Variants in MTMR14 observed in about 807,000 individuals in gnomAD.
MTMR14 encodes the protein phosphatidylinositol-3,5-bisphosphate 3-phosphatase MTMR14.
A neutral mutation model predicts 86.3 loss-of-function variants in MTMR14; 48 were observed. That is an observed-to-expected ratio of 0.56 (90% CI 0.44 to 0.71). The LOEUF is 0.71. Among genes scored for constraint, MTMR14 ranks in the 30% least tolerant of loss-of-function variants. The pLI, the probability that MTMR14 is intolerant of heterozygous loss-of-function variation, is 0.00. For missense variants in MTMR14, 780 were observed against 834.6 expected, an observed-to-expected ratio of 0.93 and a Z score of 0.81; for synonymous variants, 366 against 326.1, an observed-to-expected ratio of 1.12 and a Z score of -1.32.
intron 17 of MTMR14, 50 bp from the exon 18 acceptor site, chr3:9,697,661 A>C: frequency 6.3e-7 from 1 of 1,595,240 alleles, no homozygotes; most frequent in Non-Finnish European, 8.6e-7. Context: ...AGCCTGTGTC[A>C]GGCATATGAC....
At chr3:9,652,106 A>G (rs1488334546) in intron 1 of MTMR14, among the ~76,000 whole-genome samples, 2 of 152,176 alleles carry the variant, frequency 1.3e-5, no homozygotes, top group Non-Finnish European at 2.9e-5. Flanking sequence ...CTGGGATTAC[A>G]GGCATGAGCC....
intron 2 of MTMR14, 151 bp downstream of exon 2, chr3:9,653,920 T>C (rs1380064823): frequency 9.4e-7 from 1 of 1,064,710 alleles, no homozygotes; most frequent in Non-Finnish European, 1.4e-6. Flanking sequence ...GTTGGACAAG[T>C]CAGACTGGCA....
intron 9 of MTMR14, among the ~76,000 whole-genome samples, chr3:9,680,793 C>T (rs1280252092): frequency 1.3e-5 from 2 of 152,210 alleles, no homozygotes; most frequent in African/African-American, 4.8e-5. Flanking sequence ...GCTGAGATCG[C>T]GCCACTACAC....
chr3:9,701,538 A>AT lies in MTMR14; in HGVS notation c.1770-252_1770-251insT. ...CCTTGTCTCAAGAAAAAAAAAAAAA[A>AT]GGTTAGTGTCCCAGTAAAAGCTCCT... On this transcript the variant is annotated intron_variant, in intron 18 of 18. Transcript: ENST00000296003. This position sits in a 1 kb window ranked among gnomAD's most constrained non-coding sequence, Gnocchi z 4.2. 3.7e-6 allele frequency: 2 copies of AT among 545,522 alleles called. No homozygotes were observed. The highest frequency in any genetic ancestry group is 3.2e-5 in the East Asian group (1 of 31,612). The allele number at this position is 545,522 out of a possible 1,614,324, so 33.8% of individuals were successfully genotyped here.
In MTMR14 at chr3:9,702,067, C is replaced by T. The variant is rs2076477629; in HGVS notation, c.*94C>T. 1 of 1,528,936 alleles carries T rather than the reference C, an allele frequency of 6.5e-7. No individual in the cohort carries two copies. Among genetic ancestry groups the T allele is most frequent in the African/African-American group, 1.4e-5 (1 of 73,228 alleles). The allele number at this position is 1,528,936 out of a possible 1,614,324, so 94.7% of individuals were successfully genotyped here. A position where few individuals can be genotyped will look rare whatever the true frequency, so the allele number is the denominator to read the frequency against. On this transcript the variant is annotated 3_prime_UTR_variant, in exon 19 of 19. Coordinates refer to ENST00000296003, the MANE Select transcript of MTMR14 (RefSeq NM_001077525.3). ...CCTGGCCGAAGGGGTACTTCCAGGT[C>T]AGGGGAAATTTCAGTCCCCCATCTC...
chr3:9,685,081 A>G, intron 12 of MTMR14, 117 bp downstream of exon 12: 1 of 1,486,894 alleles, frequency 6.7e-7, no homozygotes, highest in Non-Finnish European at 9.4e-7. Flanking sequence ...CTCGAGAAGG[A>G]CCGAAGCTGC....
Position 9,677,201 on chromosome 3 carries a change from A to C in MTMR14, c.752-116A>C. On this transcript the variant is annotated intron_variant, in intron 7 of 18. Coordinates refer to ENST00000296003, the MANE Select transcript of MTMR14 (RefSeq NM_001077525.3). This position sits in a 1 kb window ranked among gnomAD's most constrained non-coding sequence, Gnocchi z 4.2. ...CTCACTGAAGCCACTAGCTTGGAGAAGTGTGAGTTGGCGGCCCCCTCTCCA... is the reference window on the plus strand; with the variant it reads ...CTCACTGAAGCCACTAGCTTGGAGACGTGTGAGTTGGCGGCCCCCTCTCCA... The C allele has an allele frequency of 1.2e-6, 1 of 858,202 alleles. No individual in the cohort carries two copies. The highest frequency in any genetic ancestry group is 1.9e-6 in the Non-Finnish European group (1 of 518,076). 53.2% of individuals were successfully genotyped at this position (858,202 alleles called of 1,614,324 possible).
At chr3:9,654,879 A>C (rs775522752) in intron 2 of MTMR14, among the ~76,000 whole-genome samples, 1 of 152,220 alleles carries the variant, frequency 6.6e-6, no homozygotes, top group Non-Finnish European at 1.5e-5. Flanking sequence ...CCGTAGGCCA[A>C]CTGGGGAAAT....
intron 2 of MTMR14, among the ~76,000 whole-genome samples, chr3:9,661,359 G>A (rs1159394351): frequency 6.6e-6 from 1 of 152,144 alleles, no homozygotes; most frequent in Admixed American, 6.5e-5. Context: ...TCCCTCACAT[G>A]CGGAGTTCAC....
At chr3:9,700,386 G>T (rs909068694) in intron 18 of MTMR14, 1 of 152,204 alleles carries the variant, frequency 6.6e-6, no homozygotes, top group South Asian at 2.1e-4. Context: ...GGACCCATTG[G>T]GGGAACACTA....
At chr3:9,685,990 C>G (rs1480790884) in intron 13 of MTMR14, among the ~76,000 whole-genome samples, 2 of 152,126 alleles carry the variant, frequency 1.3e-5, no homozygotes, top group African/African-American at 4.8e-5. Flanking sequence ...AGCATGGAAG[C>G]TGTCCCACGG....
At chr3:9,699,937 G>A (rs1444829193) in intron 18 of MTMR14, 2 of 152,246 alleles carry the variant, frequency 1.3e-5, no homozygotes, top group African/African-American at 2.4e-5. Flanking sequence ...TTCTTCCCCA[G>A]TTGCCAGGAG....
At chr3:9,693,432 C>T (rs771006627) in intron 17 of MTMR14, among the ~76,000 whole-genome samples, 1 of 152,238 alleles carries the variant, frequency 6.6e-6, no homozygotes, top group Non-Finnish European at 1.5e-5. Flanking sequence ...ATAACTCTGA[C>T]TCCCCAAAAG....
At chr3:9,671,923 G>T (rs917692551) in intron 6 of MTMR14, among the ~76,000 whole-genome samples, 2 of 152,204 alleles carry the variant, frequency 1.3e-5, no homozygotes, top group African/African-American at 2.4e-5. Flanking sequence ...CCTATCTTCA[G>T]ATCTGAATAT....
chr3:9,660,261 CTT>C (rs771078188), intron 2 of MTMR14, among the ~76,000 whole-genome samples: 1 of 144,592 alleles, frequency 6.9e-6, no homozygotes, highest in South Asian at 2.2e-4. Context: ...GGGCACTTTG[CTT>C]TTTTTTTTTT....
chr3:9,668,666 C>T lies in MTMR14; in HGVS notation c.418-53C>T. On this transcript the variant is annotated intron_variant, in intron 3 of 18. Transcript: ENST00000296003. ...AGAGGAGTCCCACATGTTCCTTCAA[C>T]TGTGCATGCTTCAGAAAACCATCTG... The T allele has an allele frequency of 4.4e-6, 7 of 1,587,420 alleles. No homozygotes were observed. The South Asian group carries it at 5.5e-5, about 13-fold the overall frequency.
chr3:9,689,231 C>T, intron 16 of MTMR14, 149 bp downstream of exon 16: 1 of 1,268,122 alleles, frequency 7.9e-7, no homozygotes, highest in Non-Finnish European at 1.1e-6. Flanking sequence ...CTCTACTGGG[C>T]CTCAGAAGTC....
At chr3:9,684,488 C>A in intron 10 of MTMR14, 97 bp from the exon 11 acceptor site, 3 of 1,150,264 alleles carry the variant, frequency 2.6e-6, no homozygotes, top group Non-Finnish European at 4.0e-6. Context: ...GCTGGTGGGG[C>A]CTGGCTCCCT....
chr3:9,651,816 C>G (rs564283390), intron 1 of MTMR14, among the ~76,000 whole-genome samples: 25 of 151,716 alleles, frequency 1.6e-4, no homozygotes, highest in African/African-American at 2.4e-4. Flanking sequence ...CAGGCATGCA[C>G]CATCATGCCT....
Sources: gnomAD v4.1 joint callset for allele counts (sites outside exome capture counted in the v4.1 genomes callset) on GRCh38, gnomAD v4.1.1 for gene constraint, Gnocchi (gnomAD v3.1) non-coding constraint, MANE v1.5 for transcripts, NCBI Gene and HGNC (gene_info 2026-07-23, HGNC 2026-07-21) for gene names.